The following GPM6B variants were observed in gnomAD, a reference collection of about 807,000 sequenced individuals.
The protein encoded by GPM6B is glycoprotein M6B.
GPM6B carries 4 observed loss-of-function variants against 27.2 expected under a neutral mutation model. The observed-to-expected ratio is 0.15, with a 90% CI of 0.07 to 0.34. GPM6B has a LOEUF of 0.34. Ranked by LOEUF, GPM6B falls within the 10% of genes least tolerant of loss-of-function variation. The pLI is 1.00. For missense variants in GPM6B, 183 were observed against 261.9 expected, an observed-to-expected ratio of 0.70 and a Z score of 2.08; for synonymous variants, 124 against 103.1, an observed-to-expected ratio of 1.20 and a Z score of -1.23.
chrX:13,795,742 C>CTTTTTTT (rs146240939), intron 2 of GPM6B, among the ~76,000 whole-genome samples: 2 of 82,797 alleles, frequency 2.4e-5, no homozygotes, highest in African/African-American at 9.2e-5. Flanking sequence ...AATTTCTTTT[C>CTTTTTTT]TTTTTTTTTT....
chrX:13,821,322 T>C (rs1435356842), upstream of GPM6B, among the ~76,000 whole-genome samples: 1 of 112,451 alleles, frequency 8.9e-6, no homozygotes. Flanking sequence ...CAAGATCATA[T>C]TGGATTTTTC....
At chrX:13,837,045 C>T (rs751354729) in intron 1 of GPM6B, among the ~76,000 whole-genome samples, 7 of 112,065 alleles carry the variant, frequency 6.2e-5, no homozygotes, top group Non-Finnish European at 1.3e-4. Flanking sequence ...GCTAACTTTG[C>T]CCCATAAAAA....
chrX:13,812,363 TTAAACGAA>T (rs780220179), intron 1 of GPM6B, among the ~76,000 whole-genome samples: 13 of 111,738 alleles, frequency 1.2e-4, no homozygotes, highest in Non-Finnish European at 2.4e-4. Context: ...GAGAACACCA[TTAAACGAA>T]TAAATGAATG....
intron 1 of GPM6B, among the ~76,000 whole-genome samples, chrX:13,909,851 T>C (rs1290100495): frequency 2.7e-5 from 3 of 111,816 alleles, no homozygotes; most frequent in Non-Finnish European, 5.6e-5. Flanking sequence ...AAAACTTCCA[T>C]GCAGCTGTTG....
intron 2 of GPM6B, among the ~76,000 whole-genome samples, chrX:13,787,470 C>A (rs374192579): frequency 4.5e-5 from 5 of 111,617 alleles, no homozygotes; most frequent in Non-Finnish European, 7.5e-5. Context: ...GCAAGGGAAT[C>A]GCTTGAACCC....
chrX:13,938,262 G>C (rs1033647511), intron 1 of GPM6B: 2 of 260,273 alleles, frequency 7.7e-6, no homozygotes, highest in Non-Finnish European at 1.3e-5. Flanking sequence ...CACGTGCGGG[G>C]GTGCAGCCTG....
intron 2 of GPM6B, among the ~76,000 whole-genome samples, chrX:13,791,287 G>A (rs2147142770): frequency 9.1e-6 from 1 of 109,403 alleles, no homozygotes; most frequent in East Asian, 2.9e-4. Flanking sequence ...TCCGCTCACT[G>A]CAGCCTCAAC....
chrX:13,861,269 A>G (rs1477621721), intron 1 of GPM6B, among the ~76,000 whole-genome samples: 1 of 110,606 alleles, frequency 9.0e-6, no homozygotes, highest in African/African-American at 3.3e-5. Flanking sequence ...GCTGCTATAA[A>G]CATGCACGTG....
intron 2 of GPM6B, among the ~76,000 whole-genome samples, chrX:13,800,284 G>T (rs1318048227): frequency 1.8e-5 from 2 of 112,088 alleles, no homozygotes; most frequent in Non-Finnish European, 3.8e-5. Context: ...AATGAGCTTG[G>T]AAGTGGATCC....
At chrX:13,795,845 C>CG (rs1008108500) in intron 2 of GPM6B, among the ~76,000 whole-genome samples, 1 of 108,564 alleles carries the variant, frequency 9.2e-6, no homozygotes, top group Non-Finnish European at 1.9e-5. Context: ...CTCTGCCTCC[C>CG]GGGTTCAAGT....
intron 1 of GPM6B, among the ~76,000 whole-genome samples, chrX:13,863,604 T>C (rs1346565363): frequency 8.9e-6 from 1 of 112,013 alleles, no homozygotes; most frequent in African/African-American, 3.2e-5. Context: ...ATGAGAAAGG[T>C]TGTTCTTTCT....
At chrX:13,933,072 G>A (rs1316240436) in intron 1 of GPM6B, among the ~76,000 whole-genome samples, 1 of 111,580 alleles carries the variant, frequency 9.0e-6, no homozygotes, top group Non-Finnish European at 1.9e-5. Context: ...AGAGTTTGCA[G>A]TACATCAATG....
At chrX:13,867,317 C>T in intron 1 of GPM6B, among the ~76,000 whole-genome samples, 1 of 111,032 alleles carries the variant, frequency 9.0e-6, no homozygotes, top group Non-Finnish European at 1.9e-5. Context: ...GCCACGTTGC[C>T]CCAGCTGGTC....
chrX:13,785,360 G>A (rs148987361), intron 3 of GPM6B, among the ~76,000 whole-genome samples: 158 of 111,271 alleles, frequency 1.4e-3, no homozygotes, highest in African/African-American at 5.0e-3. Context: ...CCAGCTCACC[G>A]CAACATCCAC....
intron 3 of GPM6B, 43 bp downstream of exon 3, chrX:13,785,579 C>T (rs764784380): frequency 1.9e-5 from 22 of 1,149,971 alleles, no homozygotes; most frequent in East Asian, 6.0e-5. Flanking sequence ...TGAGCCACCA[C>T]GCCAGGCCTT....
intron 2 of GPM6B, among the ~76,000 whole-genome samples, chrX:13,807,026 C>G (rs1266095932): frequency 1.8e-5 from 2 of 112,017 alleles, no homozygotes; most frequent in African/African-American, 6.5e-5. Flanking sequence ...ACACCTCACC[C>G]AGATCCAGCA....
intron 1 of GPM6B, 133 bp downstream of exon 1, chrX:13,816,711 A>C: frequency 1.3e-6 from 1 of 766,606 alleles, no homozygotes; most frequent in Non-Finnish European, 2.0e-6. Context: ...GAAAAAAATC[A>C]ACCCTGAAAG....
intron 1 of GPM6B, among the ~76,000 whole-genome samples, chrX:13,843,035 A>G (rs1003404739): frequency 1.8e-5 from 2 of 110,914 alleles, no homozygotes; most frequent in African/African-American, 6.6e-5. Context: ...AACACGATCT[A>G]ATTTTGAACA....
chrX:13,924,971 A>C (rs1200748103), intron 1 of GPM6B, among the ~76,000 whole-genome samples: 1 of 112,467 alleles, frequency 8.9e-6, no homozygotes, highest in Non-Finnish European at 1.9e-5. Flanking sequence ...ATCTTTCATG[A>C]AAATACTACT....
Sources: allele counts gnomAD v4.1 joint callset (sites outside exome capture counted in the v4.1 genomes callset), GRCh38; gene constraint gnomAD v4.1.1; transcripts MANE v1.5; gene names NCBI Gene and HGNC (gene_info 2026-07-23, HGNC 2026-07-21).